The following CACNA1E variants were observed in gnomAD, a reference collection of about 807,000 sequenced individuals.
CACNA1E encodes the protein voltage-dependent R-type calcium channel subunit alpha-1E.
CACNA1E carries 40 observed loss-of-function variants against 259.2 expected under a neutral mutation model. The ratio of observed to expected loss-of-function variants is 0.15; its 90% CI spans 0.12 to 0.20. CACNA1E has a LOEUF of 0.20. Ranked by LOEUF, CACNA1E falls within the 10% of genes least tolerant of loss-of-function variation. The probability of loss-of-function intolerance (pLI) is 1.00; values close to 1 mark genes in which losing one functional copy is unlikely to be tolerated. For synonymous variants in CACNA1E, 1,104 were observed against 1,138.5 expected, an observed-to-expected ratio of 0.97 and a Z score of 0.61; for missense variants, 1,874 against 3,040.1, an observed-to-expected ratio of 0.62 and a Z score of 9.02.
chr1:181,807,831 T>C lies in CACNA1E; in HGVS notation c.*8997T>C, dbSNP rs891060043. On this transcript the variant is annotated 3_prime_UTR_variant, in exon 48 of 48. Coordinates refer to ENST00000367573, the MANE Select transcript of CACNA1E (RefSeq NM_001205293.3). ...AAATTTCTAAGATTCTCTACAACTT[T>C]TAAATTTTATGTTATTTTTCAATCA... is the stretch of plus-strand genomic sequence containing the variant. 3.9e-5 allele frequency: 6 copies of C among 152,094 alleles called. No homozygotes were observed. The highest frequency in any genetic ancestry group is 7.4e-5 in the Non-Finnish European group (5 of 68,014). The allele number at this position is 152,094 out of a possible 1,614,324, so 9.4% of individuals were successfully genotyped here.
intron 27 of CACNA1E, among the ~76,000 whole-genome samples, chr1:181,753,500 T>C (rs1221317829): frequency 6.6e-6 from 1 of 152,184 alleles, no homozygotes; most frequent in African/African-American, 2.4e-5. Context: ...TTCTTTCACA[T>C]GGGAAATGAG....
rs550909796 is a variant in CACNA1E, at chr1:181,711,163, T to C, written c.1171+94T>C. 3.5e-6 allele frequency: 3 copies of C among 845,516 alleles called. No homozygotes were observed. In the African/African-American group the frequency reaches 5.0e-5, roughly 14 times the overall value. 52.4% of individuals were successfully genotyped at this position (845,516 alleles called of 1,614,324 possible). On this transcript the variant is annotated intron_variant, in intron 8 of 47. Transcript: ENST00000367573. ...CAATGCTCCCATTCAAGGGGCAGCC[T>C]AGACAAGACAAGAGAGACACTCTGG...
chr1:181,336,981 A>G (rs1193127038), intron 1 of CACNA1E, among the ~76,000 whole-genome samples: 7 of 148,708 alleles, frequency 4.7e-5, no homozygotes, highest in Admixed American at 1.3e-4. Flanking sequence ...TATAATATAG[A>G]TATTTATATA....
intron 7 of CACNA1E, among the ~76,000 whole-genome samples, chr1:181,691,997 C>A (rs1270339844): frequency 1.3e-5 from 2 of 152,096 alleles, no homozygotes; most frequent in Non-Finnish European, 1.5e-5. Context: ...ATATAAAATT[C>A]AGTAGCATTT....
At chr1:181,482,546 G>T (rs572399517), upstream of CACNA1E, among the ~76,000 whole-genome samples, 156 of 152,336 alleles carry the variant, frequency 1.0e-3, no homozygotes, top group African/African-American at 3.7e-3. Context: ...CAGCCTTCCG[G>T]CTGCGTCCCC....
At chr1:181,629,879 C>G (rs993679854) in intron 6 of CACNA1E, among the ~76,000 whole-genome samples, 1 of 152,226 alleles carries the variant, frequency 6.6e-6, no homozygotes, top group Admixed American at 6.5e-5. Context: ...GGAATGTTGC[C>G]TACCTGTGGT....
intron 2 of CACNA1E, among the ~76,000 whole-genome samples, chr1:181,471,564 T>A (rs968379915): frequency 3.3e-5 from 5 of 152,178 alleles, no homozygotes; most frequent in African/African-American, 1.2e-4. Flanking sequence ...CTCTTTTGGT[T>A]GAGTTGCTTT....
intron 2 of CACNA1E, among the ~76,000 whole-genome samples, chr1:181,430,020 C>T (rs963054094): frequency 3.3e-5 from 5 of 152,202 alleles, no homozygotes; most frequent in Non-Finnish European, 7.4e-5. Context: ...CCTTTTGGGA[C>T]ACAGCAGACT....
rs1661959892 is a variant in CACNA1E at position 181,798,006 on chromosome 1, A to G, written c.6400-286A>G. ...TAGCATCACCTGGAAGCTTGTTAGA[A>G]ATGCAAAATCTCAGTCCTTGCCCCA... On this transcript the variant is annotated intron_variant, in intron 47 of 47. Coordinates refer to ENST00000367573, the MANE Select transcript of CACNA1E (RefSeq NM_001205293.3). This position sits in a 1 kb window ranked among gnomAD's most constrained non-coding sequence, Gnocchi z 4.2. Among the ~76,000 whole-genome samples the G allele has an allele frequency of 6.6e-6, 1 of 152,128 alleles. No homozygotes were observed. Among genetic ancestry groups the G allele is most frequent in the South Asian group, 2.1e-4 (1 of 4,822 alleles).
chr1:181,509,305 T>TG (rs965149607), intron 1 of CACNA1E, among the ~76,000 whole-genome samples: 5 of 152,104 alleles, frequency 3.3e-5, no homozygotes, highest in Non-Finnish European at 7.4e-5. Context: ...CCTGGCAGGA[T>TG]GGGGGCATTG....
intron 7 of CACNA1E, among the ~76,000 whole-genome samples, chr1:181,699,038 T>C (rs899616965): frequency 1.3e-5 from 2 of 152,194 alleles, no homozygotes; most frequent in East Asian, 3.8e-4. Flanking sequence ...TGTCAAAGAA[T>C]AGGTGTACAG....
chr1:181,351,178 G>A (rs1653014281), intron 1 of CACNA1E, among the ~76,000 whole-genome samples: 1 of 152,214 alleles, frequency 6.6e-6, no homozygotes, highest in African/African-American at 2.4e-5. Flanking sequence ...ATACCTTGAG[G>A]AGGACGGGTA....
intron 6 of CACNA1E, among the ~76,000 whole-genome samples, chr1:181,589,853 C>T (rs1255661831): frequency 2.0e-5 from 3 of 152,328 alleles, no homozygotes; most frequent in Non-Finnish European, 4.4e-5. Context: ...CTTGATAACA[C>T]ATCAAAGGCA....
At position 181,803,988 on chromosome 1, in the gene CACNA1E, T is replaced by C. The variant is rs1292224491; in HGVS notation, c.*5154T>C. 1 of 152,230 alleles carries C rather than the reference T, an allele frequency of 6.6e-6. No individual in the cohort carries two copies. Among genetic ancestry groups the C allele is most frequent in the Non-Finnish European group, 1.5e-5 (1 of 68,046 alleles). 9.4% of individuals were successfully genotyped at this position (152,230 alleles called of 1,614,324 possible). On this transcript the variant is annotated 3_prime_UTR_variant, in exon 48 of 48. Transcript: ENST00000367573. Reference sequence around the variant, plus strand: ...TTCCACCCACCCTCTCTCCGCATGCTGTAAGTTAGGGGAGTTAGTATCTTG... The same window carrying C: ...TTCCACCCACCCTCTCTCCGCATGCCGTAAGTTAGGGGAGTTAGTATCTTG...
rs560929340 is a variant in CACNA1E at position 181,357,543 on chromosome 1, A to T, written c.-15+39420A>T. On this transcript the variant is annotated intron_variant, in intron 1 of 11. Transcript: ENST00000524607. ...TTTGTTTCTTGTTTTGAGAGAAAGG[A>T]TGCTGCCAGGCAGCCTCTGTGAGTT... is the stretch of plus-strand genomic sequence containing the variant. Among the ~76,000 whole-genome samples, 5 of 152,328 alleles carry T rather than the reference A, an allele frequency of 3.3e-5. No homozygotes were observed. In the East Asian group the frequency reaches 9.6e-4, roughly 29 times the overall value.
chr1:181,605,507 C>G (rs1004554562), intron 6 of CACNA1E, among the ~76,000 whole-genome samples: 2 of 151,810 alleles, frequency 1.3e-5, no homozygotes, highest in African/African-American at 4.8e-5. Context: ...ATAAAAACTA[C>G]CAAAAGAGAA....
At chr1:181,706,959 TA>T (rs1652853494) in intron 7 of CACNA1E, among the ~76,000 whole-genome samples, 1 of 152,230 alleles carries the variant, frequency 6.6e-6, no homozygotes, top group Admixed American at 6.5e-5. Flanking sequence ...TTCTATAATC[TA>T]TGGAATCTAT....
chr1:181,752,944 C>G (rs1657728353), intron 27 of CACNA1E, among the ~76,000 whole-genome samples: 1 of 152,220 alleles, frequency 6.6e-6, no homozygotes, highest in Admixed American at 6.5e-5. Context: ...CACAATTCTG[C>G]TAGACTGTTG....
rs1034324347 is a variant in CACNA1E, at chr1:181,800,939, T to C, written c.*2105T>C. ...TCCCACTCTCAGACCCTCTTTTGTC[T>C]TCATTTTCCTCTCCCACTTAGCACA... On this transcript the variant is annotated 3_prime_UTR_variant, in exon 48 of 48. Coordinates refer to ENST00000367573, the MANE Select transcript of CACNA1E (RefSeq NM_001205293.3). 1.3e-5 allele frequency: 2 copies of C among 152,678 alleles called. No individual in the cohort carries two copies. The highest frequency in any genetic ancestry group is 6.5e-5 in the Admixed American group (1 of 15,282). The allele number at this position is 152,678 out of a possible 1,614,324, so 9.5% of individuals were successfully genotyped here.
Sources: allele counts gnomAD v4.1 joint callset (sites outside exome capture counted in the v4.1 genomes callset), GRCh38; gene constraint gnomAD v4.1.1; non-coding constraint Gnocchi (gnomAD v3.1); transcripts MANE v1.5; gene names NCBI Gene and HGNC (gene_info 2026-07-23, HGNC 2026-07-21).